The following ZC3H6 variants were observed in gnomAD, a reference collection of about 807,000 sequenced individuals.
ZC3H6 encodes the protein zinc finger CCCH domain-containing protein 6.
Under a neutral mutation model 107.7 loss-of-function variants are expected in ZC3H6, and 40 were observed. The ratio of observed to expected loss-of-function variants is 0.37; its 90% confidence interval spans 0.29 to 0.48. The LOEUF (loss-of-function observed/expected upper bound fraction) is 0.48, where lower values mean the gene tolerates loss of function less well. Ranked by LOEUF, ZC3H6 falls within the 20% of genes least tolerant of loss-of-function variation. The probability of loss-of-function intolerance (pLI) is 0.98; values close to 1 mark genes in which losing one functional copy is unlikely to be tolerated. For missense variants in ZC3H6, 1,267 were observed against 1,410.4 expected (o/e 0.90, Z 1.63); for synonymous variants, 493 against 487.9 (o/e 1.01, Z -0.14).
intron 3 of ZC3H6, among the ~76,000 whole-genome samples, chr2:112,307,591 A>C (rs1676499847): frequency 6.6e-6 from 1 of 152,154 alleles, no homozygotes; most frequent in Admixed American, 6.5e-5. Flanking sequence ...AACCATAAGG[A>C]ATATATGAAC....
At chr2:112,286,747 T>TA (rs1486157245) in intron 1 of ZC3H6, among the ~76,000 whole-genome samples, 5 of 152,194 alleles carry the variant, frequency 3.3e-5, no homozygotes, top group African/African-American at 1.2e-4. Context: ...AGATTTTTGT[T>TA]ATACTGTTTA....
Position 112,324,129 on chromosome 2 carries a change from A to G in ZC3H6, c.1341-23A>G, listed in dbSNP as rs1317898870. On this transcript the variant is annotated intron_variant, in intron 9 of 11. Transcript: ENST00000409871. ...TTGTTTCTTTTTCTTTGAACTAAGA[A>G]ATATTATTATTTCTGTCTACAGGCC... 2.0e-6 allele frequency: 3 copies of G among 1,529,818 alleles called. No individual in the cohort carries two copies. In the East Asian group the frequency reaches 6.8e-5, roughly 35 times the overall value. 94.8% of individuals were successfully genotyped at this position (1,529,818 alleles called of 1,614,324 possible).
chr2:112,326,543 CATT>C (rs1301825138), intron 11 of ZC3H6, among the ~76,000 whole-genome samples: 1 of 152,154 alleles, frequency 6.6e-6, no homozygotes, highest in Non-Finnish European at 1.5e-5. Flanking sequence ...GACAGGATCT[CATT>C]CTTCTTATGG....
chr2:112,311,420 C>G (rs1318377406), intron 4 of ZC3H6, among the ~76,000 whole-genome samples: 1 of 152,080 alleles, frequency 6.6e-6, no homozygotes, highest in Non-Finnish European at 1.5e-5. Context: ...CTCAAAATTA[C>G]CAGTGGAAAT....
At chr2:112,308,248 G>A (rs895838752) in intron 3 of ZC3H6, among the ~76,000 whole-genome samples, 25 of 152,086 alleles carry the variant, frequency 1.6e-4, no homozygotes, top group African/African-American at 5.8e-4. Flanking sequence ...AAATATGATA[G>A]TGTTTTTAAA....
At position 112,332,196 on chromosome 2, in the gene ZC3H6, C is replaced by A. The variant is rs774192601; in HGVS notation, c.3278C>A (p.Ala1093Asp). 6.2e-7 allele frequency: 1 copy of A among 1,613,964 alleles called. No individual in the cohort carries two copies. Among genetic ancestry groups the A allele is most frequent in the South Asian group, 1.1e-5 (1 of 91,072 alleles). Residue 1093 changes from alanine (A) to aspartate (D), a missense_variant, in exon 12 of 12, where the codon GCC becomes GAC. Physicochemically the swap from Ala to Asp is moderately radical, Grantham distance 126. Around this residue, in one of 3 missense-constraint regions of ZC3H6, gnomAD observed 925 missense variants for 1,025.7 expected, o/e 0.90. Transcript: ENST00000409871. ...SDKTEPSPGE[A>D]ILPQKPSPNV... ...AAAACTGAACCTTCTCCTGGAGAAG[C>A]CATCCTTCCACAAAAACCCAGTCCA...
rs1194984369 is a variant in ZC3H6, at chr2:112,285,517, C to T, written c.32+9491C>T. On this transcript the variant is annotated intron_variant, in intron 1 of 11. Transcript: ENST00000409871. ...GACTACAGGCCCACAACGCCACGCC[C>T]GGCTAATTTTTGTATTTTTTGGTAG... Among the ~76,000 whole-genome samples, 8 of 151,956 alleles carry T rather than the reference C, an allele frequency of 5.3e-5. No homozygotes were observed. In the East Asian group the frequency reaches 7.8e-4, roughly 15 times the overall value.
chr2:112,322,109 C>T (rs561338912), intron 8 of ZC3H6, among the ~76,000 whole-genome samples: 3 of 149,068 alleles, frequency 2.0e-5, no homozygotes, highest in South Asian at 2.1e-4. Context: ...CCCTCCTTCC[C>T]GTCTTCCCTC....
rs762898328 is a variant in ZC3H6, at chr2:112,322,765, C to G, written c.1203C>G (p.Thr401=). The G allele has an allele frequency of 2.5e-6, 4 of 1,613,790 alleles. No homozygotes were observed. The Admixed American group carries it at 6.7e-5, about 27-fold the overall frequency. The change falls in exon 9 of 12, where the codon ACC becomes ACG. Residue 401 remains threonine, a synonymous_variant. Transcript: ENST00000409871. ...KPPPGVGLLP[T]PPEHFPFSDP... ...CTCCAGGGGTTGGGCTTCTGCCAAC[C>G]CCTCCAGAGCATTTTCCCTTTTCTG...
At chr2:112,330,228 T>C (rs982327945) in intron 11 of ZC3H6, among the ~76,000 whole-genome samples, 1 of 152,106 alleles carries the variant, frequency 6.6e-6, no homozygotes, top group Non-Finnish European at 1.5e-5. Flanking sequence ...AATTTTTTTG[T>C]ATTTTTAGTA....
chr2:112,321,277 A>G (rs1234760120), intron 7 of ZC3H6, among the ~76,000 whole-genome samples: 1 of 151,982 alleles, frequency 6.6e-6, no homozygotes, highest in Non-Finnish European at 1.5e-5. Flanking sequence ...AGCTCTTGCT[A>G]CAAAATTTAT....
At chr2:112,301,596 G>A (rs1448470796) in intron 2 of ZC3H6, among the ~76,000 whole-genome samples, 1 of 152,104 alleles carries the variant, frequency 6.6e-6, no homozygotes, top group Admixed American at 6.5e-5. Flanking sequence ...TAAGATAAAA[G>A]AGAATAATGG....
intron 3 of ZC3H6, 133 bp downstream of exon 3, chr2:112,303,484 C>G: frequency 1.6e-6 from 1 of 624,956 alleles, no homozygotes; most frequent in Non-Finnish European, 2.6e-6. Context: ...TTATCCATTT[C>G]TAGAAATTCT....
chr2:112,322,187 T>C (rs539610073), intron 8 of ZC3H6, among the ~76,000 whole-genome samples: 1 of 150,818 alleles, frequency 6.6e-6, no homozygotes, highest in African/African-American at 2.4e-5. Flanking sequence ...GCTTTTTCTT[T>C]CTTATTTCTC....
chr2:112,291,604 A>G (rs1461084303), intron 1 of ZC3H6, among the ~76,000 whole-genome samples: 4 of 152,248 alleles, frequency 2.6e-5, no homozygotes, highest in Non-Finnish European at 5.9e-5. Context: ...AAATAAATGT[A>G]AATCAGTCTG....
In ZC3H6 at chr2:112,335,055, A is replaced by AAG. The variant is rs1234974736; in HGVS notation, c.*2567_*2568insAG. 6.6e-6 allele frequency: 1 copy of AAG among 152,254 alleles called. No homozygotes were observed. The highest frequency in any genetic ancestry group is 1.5e-5 in the Non-Finnish European group (1 of 68,048). The allele number at this position is 152,254 out of a possible 1,614,324, so 9.4% of individuals were successfully genotyped here. A position where few individuals can be genotyped will look rare whatever the true frequency, so the allele number is the denominator to read the frequency against. On this transcript the variant is annotated 3_prime_UTR_variant, in exon 12 of 12. Transcript: ENST00000409871. ...TACTGTGATGATGAATACAGTGGAT[A>AAG]TAGCAGGGGGTTGAAATGGAACACA...
intron 11 of ZC3H6, among the ~76,000 whole-genome samples, chr2:112,330,453 A>G (rs935429898): frequency 2.6e-5 from 4 of 152,208 alleles, no homozygotes; most frequent in African/African-American, 9.6e-5. Flanking sequence ...TCTCTACCCC[A>G]TTCCTCATTT....
rs186004602 is a variant in ZC3H6, at chr2:112,284,065, T to C, written c.32+8039T>C. The stretch of plus-strand genomic sequence containing the variant: ...GTGAAGGGAATTCATTGAAAATGCA[T>C]AGAGATCAGAAGAACTAACACCTTT... On this transcript the variant is annotated intron_variant, in intron 1 of 11. Transcript: ENST00000409871. Among the ~76,000 whole-genome samples the C allele has an allele frequency of 5.1e-4, 78 of 152,322 alleles. 1 individual carries two copies. The highest frequency in any genetic ancestry group is 3.7e-3 in the South Asian group (18 of 4,824).
intron 1 of ZC3H6, among the ~76,000 whole-genome samples, chr2:112,276,311 C>A (rs932627740): frequency 6.6e-6 from 1 of 150,668 alleles, no homozygotes; most frequent in Non-Finnish European, 1.5e-5. Context: ...CCGTGTGCGC[C>A]GGGCGGCTCT....
Sources: allele counts gnomAD v4.1 joint callset (sites outside exome capture counted in the v4.1 genomes callset), GRCh38; gene constraint gnomAD v4.1.1; regional missense constraint gnomAD v4.1.1; transcripts MANE v1.5; gene names NCBI Gene and HGNC (gene_info 2026-07-23, HGNC 2026-07-21).